Variants in LRP1B observed in about 807,000 individuals in gnomAD.
LRP1B encodes the protein LDL receptor related protein 1B, also known as low-density lipoprotein receptor-related protein 1B.
LRP1B carries 217 observed loss-of-function variants against 556.6 expected under a neutral mutation model. The observed-to-expected ratio is 0.39, with a 90% CI of 0.35 to 0.44. The LOEUF (loss-of-function observed/expected upper bound fraction) is 0.44, where lower values mean the gene tolerates loss of function less well. LRP1B is among the 20% of genes least tolerant of loss of function. The pLI is 1.00. For missense variants in LRP1B, 5,053 were observed against 5,620.8 expected, an observed-to-expected ratio of 0.90 and a Z score of 3.23; for synonymous variants, 2,047 against 1,865.8, an observed-to-expected ratio of 1.10 and a Z score of -2.50.
intron 2 of LRP1B, among the ~76,000 whole-genome samples, chr2:141,489,781 T>C (rs1158233440): frequency 6.6e-6 from 1 of 152,178 alleles, no homozygotes; most frequent in Non-Finnish European, 1.5e-5. Context: ...AAATTGGATT[T>C]ATGAGTTTCA....
chr2:141,967,897 C>T lies in LRP1B; in HGVS notation c.83-157496G>A, dbSNP rs572668317. ...TTAAGAAATAAATTGCACTAGGTCT[C>T]GTTTTTAATGTGGTTAATTTTTATC... On this transcript the variant is annotated intron_variant, in intron 1 of 90. Transcript: ENST00000389484. Among the ~76,000 whole-genome samples, 75 of 151,790 alleles carry T rather than the reference C, an allele frequency of 4.9e-4. 1 individual carries two copies. Among genetic ancestry groups the T allele is most frequent in the African/African-American group, 1.5e-3 (63 of 41,480 alleles).
chr2:140,705,410 G>A (rs576031501), intron 37 of LRP1B, among the ~76,000 whole-genome samples: 46 of 151,306 alleles, frequency 3.0e-4, no homozygotes, highest in African/African-American at 1.1e-3. Context: ...TGTAGTCCCA[G>A]CTACCTGGGA....
At chr2:141,340,859 C>CA (rs1300064781) in intron 3 of LRP1B, among the ~76,000 whole-genome samples, 1 of 151,994 alleles carries the variant, frequency 6.6e-6, no homozygotes, top group African/African-American at 2.4e-5. Flanking sequence ...AACAGAACAA[C>CA]AAAAAACAAT....
At chr2:140,748,591 G>GTGTATA (rs1361412390) in intron 35 of LRP1B, among the ~76,000 whole-genome samples, 3,974 of 72,742 alleles carry the variant, frequency 0.055, 134 homozygotes, top group Non-Finnish European at 0.069. Context: ...TATACAGTGT[G>GTGTATA]TATATATATA....
At chr2:140,892,331 A>AG (rs1371852763) in intron 23 of LRP1B, among the ~76,000 whole-genome samples, 1 of 152,178 alleles carries the variant, frequency 6.6e-6, no homozygotes, top group African/African-American at 2.4e-5. Flanking sequence ...AGTATCGGAA[A>AG]TGTCTAAAGT....
intron 3 of LRP1B, among the ~76,000 whole-genome samples, chr2:141,389,261 G>C (rs1249076153): frequency 6.6e-6 from 1 of 152,076 alleles, no homozygotes; most frequent in Non-Finnish European, 1.5e-5. Context: ...ATGTGTTATA[G>C]GCATAATGGC....
At chr2:141,106,517 T>C (rs183939549) in intron 7 of LRP1B, among the ~76,000 whole-genome samples, 1 of 148,394 alleles carries the variant, frequency 6.7e-6, no homozygotes, top group Admixed American at 6.8e-5. Context: ...CAAAACTCCT[T>C]ATCTGAAGAA....
intron 41 of LRP1B, among the ~76,000 whole-genome samples, chr2:140,675,186 T>TA (rs1462618594): frequency 2.0e-5 from 3 of 152,238 alleles, no homozygotes; most frequent in Non-Finnish European, 4.4e-5. Context: ...TTCCCTTATT[T>TA]AAAATCATCT....
chr2:140,304,796 G>T (rs77085362), intron 83 of LRP1B, among the ~76,000 whole-genome samples: 1 of 152,006 alleles, frequency 6.6e-6, no homozygotes, highest in Admixed American at 6.6e-5. Flanking sequence ...TAGGTCTAAC[G>T]TTTAAGTCTT....
intron 35 of LRP1B, among the ~76,000 whole-genome samples, chr2:140,767,443 CAG>C (rs900249607): frequency 8.6e-5 from 13 of 151,864 alleles, no homozygotes; most frequent in African/African-American, 3.1e-4. Flanking sequence ...CATTTTGAAA[CAG>C]AAAGTCCTAT....
intron 7 of LRP1B, among the ~76,000 whole-genome samples, chr2:141,064,964 C>T (rs968951543): frequency 6.6e-6 from 1 of 151,830 alleles, no homozygotes; most frequent in Admixed American, 6.6e-5. Context: ...TCCTGTGGAT[C>T]CTTATGATTT....
intron 35 of LRP1B, among the ~76,000 whole-genome samples, chr2:140,756,054 T>A (rs2104905447): frequency 6.6e-6 from 1 of 152,052 alleles, no homozygotes; most frequent in African/African-American, 2.4e-5. Context: ...CTTCAACACA[T>A]TTATAATGAA....
chr2:140,789,618 C>CTTTTTTTTTTTTTT lies in LRP1B; in HGVS notation c.5360-13394_5360-13381dup, dbSNP rs756120273. 5.6e-5 allele frequency among the ~76,000 whole-genome samples: 4 copies of CTTTTTTTTTTTTTT among 71,766 alleles called. 1 individual carries two copies. Among genetic ancestry groups the CTTTTTTTTTTTTTT allele is most frequent in the Non-Finnish European group, 1.0e-4 (4 of 38,140 alleles). The allele number at this position is 71,766 out of a possible 152,430, so 47.1% of individuals were successfully genotyped here. Reference sequence around the variant, plus strand: ...GCCAAGCACGATCTAGCTTTAAGGACTTTTTTTTTTTTTTTTTTTTTTTTT... The same window carrying CTTTTTTTTTTTTTT: ...GCCAAGCACGATCTAGCTTTAAGGACTTTTTTTTTTTTTTTTTTTTTTTTTTTTTTTTTTTTTTT... On this transcript the variant is annotated intron_variant, in intron 32 of 90. Transcript: ENST00000389484.
intron 34 of LRP1B, 29 bp from the exon 35 acceptor site, chr2:140,769,373 GA>G (rs1559108011): frequency 6.4e-7 from 1 of 1,566,610 alleles, no homozygotes; most frequent in Admixed American, 1.9e-5. Context: ...ATAAGGGGGG[GA>G]AGGGAAGCCC....
chr2:140,637,543 G>A (rs753665653), intron 41 of LRP1B, among the ~76,000 whole-genome samples: 20 of 152,248 alleles, frequency 1.3e-4, no homozygotes, highest in South Asian at 8.3e-4. Context: ...AAAGCATTCT[G>A]CTTCTGTATG....
intron 1 of LRP1B, among the ~76,000 whole-genome samples, chr2:141,817,729 CA>C (rs1187565587): frequency 6.6e-6 from 1 of 152,034 alleles, no homozygotes; most frequent in Non-Finnish European, 1.5e-5. Flanking sequence ...GATTAATTTA[CA>C]AAAATTTTAT....
At chr2:140,632,855 A>G (rs1327112541) in intron 41 of LRP1B, among the ~76,000 whole-genome samples, 1 of 152,118 alleles carries the variant, frequency 6.6e-6, no homozygotes, top group African/African-American at 2.4e-5. Context: ...CGAGGTCAGG[A>G]GATCGAGACC....
intron 41 of LRP1B, among the ~76,000 whole-genome samples, chr2:140,629,222 T>C (rs1683789392): frequency 6.7e-6 from 1 of 150,136 alleles, no homozygotes; most frequent in African/African-American, 2.5e-5. Flanking sequence ...TCCAGCTAAT[T>C]CTTTTTTTTT....
chr2:141,338,978 C>G (rs974959721), intron 3 of LRP1B, among the ~76,000 whole-genome samples: 4 of 151,934 alleles, frequency 2.6e-5, no homozygotes, highest in African/African-American at 9.7e-5. Flanking sequence ...TAGGATATGA[C>G]AGGCGTTCAT....
Sources: gnomAD v4.1 joint callset for allele counts (sites outside exome capture counted in the v4.1 genomes callset) on GRCh38, gnomAD v4.1.1 for gene constraint, MANE v1.5 for transcripts, NCBI Gene and HGNC (gene_info 2026-07-23, HGNC 2026-07-21) for gene names.